PRAG1: variants seen among roughly 807,000 people sequenced by gnomAD.
PRAG1 encodes inactive tyrosine-protein kinase PRAG1.
In PRAG1, 110 loss-of-function variants were observed where a neutral mutation model predicts 95.6. The ratio of observed to expected loss-of-function variants is 1.15; its 90% confidence interval spans 0.99 to 1.35. The LOEUF is 1.35. Among genes scored for constraint, PRAG1 ranks in the 40% most tolerant of loss-of-function variants. The pLI is 0.00. For missense variants in PRAG1, 2,554 were observed against 1,864.7 expected, an observed-to-expected ratio of 1.37 and a Z score of -6.81; for synonymous variants, 1,052 against 819.4, an observed-to-expected ratio of 1.28 and a Z score of -4.85.
chr8:8,371,940 G>C (rs1353476681), intron 3 of PRAG1, among the ~76,000 whole-genome samples: 3 of 151,992 alleles, frequency 2.0e-5, no homozygotes, highest in Admixed American at 1.3e-4. Context: ...TCTCACCTAG[G>C]GCCAGACCAT....
chr8:8,374,737 C>T (rs1318986371), intron 3 of PRAG1: 2 of 984,542 alleles, frequency 2.0e-6, no homozygotes, highest in African/African-American at 1.7e-5. Context: ...GATGTCTGTT[C>T]TCCATGGTGG....
chr8:8,339,985 G>T (rs536478179), intron 3 of PRAG1, among the ~76,000 whole-genome samples: 4 of 152,178 alleles, frequency 2.6e-5, no homozygotes, highest in Non-Finnish European at 5.9e-5. Flanking sequence ...GAAAAATAAA[G>T]ATATTATCAT....
At chr8:8,381,344 G>A in intron 2 of PRAG1, 74 bp downstream of exon 2, 2 of 1,461,470 alleles carry the variant, frequency 1.4e-6, no homozygotes, top group African/African-American at 1.4e-5. Context: ...GCCCTCCCTG[G>A]CTGCCAGCCA....
intron 3 of PRAG1, among the ~76,000 whole-genome samples, chr8:8,365,901 AC>A (rs1799987240): frequency 1.3e-5 from 2 of 152,058 alleles, no homozygotes; most frequent in Middle Eastern, 3.4e-3. Flanking sequence ...AATCTCTTGA[AC>A]CCAAGAGGTG....
chr8:8,340,761 A>G (rs1360151272), intron 3 of PRAG1, among the ~76,000 whole-genome samples: 1 of 152,216 alleles, frequency 6.6e-6, no homozygotes, highest in Non-Finnish European at 1.5e-5. Context: ...CGCTACCACA[A>G]AAAGTGCTCC....
At position 8,324,529 on chromosome 8, in the gene PRAG1, G is replaced by C. The variant is rs1585217954; in HGVS notation, c.3072+3181C>G. Among the ~76,000 whole-genome samples the C allele has an allele frequency of 3.9e-5, 6 of 152,288 alleles. No homozygotes were observed. In the East Asian group the frequency reaches 1.2e-3, roughly 29 times the overall value. On this transcript the variant is annotated intron_variant, in intron 5 of 5. Coordinates refer to ENST00000615670, the MANE Select transcript of PRAG1 (RefSeq NM_001080826.3). ...CACAGCACTGGGTGGGGGAAGGGGCGGTGGGGGAGGGAGTGGCTTTTTCTC... is the reference window on the plus strand; with the variant it reads ...CACAGCACTGGGTGGGGGAAGGGGCCGTGGGGGAGGGAGTGGCTTTTTCTC...
intron 5 of PRAG1, among the ~76,000 whole-genome samples, chr8:8,326,247 A>C (rs1156377841): frequency 6.7e-6 from 1 of 148,210 alleles, no homozygotes; most frequent in African/African-American, 2.5e-5. Flanking sequence ...TATACTGAAT[A>C]TTAATAGTAA....
Position 8,321,745 on chromosome 8 carries a change from G to T in PRAG1, c.3073-2443C>A, listed in dbSNP as rs187120016. On this transcript the variant is annotated intron_variant, in intron 5 of 5. Coordinates refer to ENST00000615670, the MANE Select transcript of PRAG1 (RefSeq NM_001080826.3). ...AGAGGTCAAAAGCATGGGCTCTGGA[G>T]TGAAAAAAGGCCTGGGTTTAAGTAT... Among the ~76,000 whole-genome samples the T allele has an allele frequency of 5.3e-5, 8 of 152,236 alleles. No homozygotes were observed. In the East Asian group the frequency reaches 1.5e-3, roughly 29 times the overall value.
At position 8,377,315 on chromosome 8, in the gene PRAG1, T is replaced by C; in HGVS notation, c.1094A>G (p.Tyr365Cys). The change falls in exon 3 of 6, where the codon TAC becomes TGC. Residue 365 changes from tyrosine (Y) to cysteine (C), a missense_variant. Coordinates refer to ENST00000615670, the MANE Select transcript of PRAG1 (RefSeq NM_001080826.3). ...SPFVPHLESD[Y>C]CSLMKEPAPE... ...GGCAGGTTCCTTCATGAGGGAGCAG[T>C]AATCACTCTCGAGGTGGGGGACGAA... The C allele has an allele frequency of 6.2e-7, 1 of 1,612,238 alleles. No individual in the cohort carries two copies. Among genetic ancestry groups the C allele is most frequent in the East Asian group, 2.2e-5 (1 of 44,840 alleles).
chr8:8,354,712 A>C (rs1284574700), intron 3 of PRAG1, among the ~76,000 whole-genome samples: 1 of 152,194 alleles, frequency 6.6e-6, no homozygotes, highest in Non-Finnish European at 1.5e-5. Flanking sequence ...AGCATTTGAC[A>C]AGGTACAGCA....
chr8:8,379,749 C>T (rs1430488196), intron 2 of PRAG1, among the ~76,000 whole-genome samples: 3 of 152,200 alleles, frequency 2.0e-5, no homozygotes, highest in Non-Finnish European at 4.4e-5. Context: ...TGTCTAAAGA[C>T]AGCAGATGCC....
Position 8,318,893 on chromosome 8 carries a change from C to A in PRAG1, c.3482G>T (p.Gly1161Val). ...LLLVHCTLQAGPGPAPAPAPA... is the reference protein window; with the variant it reads ...LLLVHCTLQAVPGPAPAPAPA... ...GGCGGGGGCGGGGGCGGGCCCGGGGCCGGCCTGGAGGGTGCAGTGCACCAG... is the reference window on the plus strand; with the variant it reads ...GGCGGGGGCGGGGGCGGGCCCGGGGACGGCCTGGAGGGTGCAGTGCACCAG... Residue 1161 changes from glycine to valine, a missense_variant, in exon 6 of 6, where the codon GGC becomes GTC. Transcript: ENST00000615670. This position sits in a 1 kb window ranked among gnomAD's most constrained non-coding sequence, Gnocchi z 4.2. The A allele has an allele frequency of 6.8e-7, 1 of 1,467,380 alleles. No homozygotes were observed. The highest frequency in any genetic ancestry group is 9.1e-7 in the Non-Finnish European group (1 of 1,098,752). 90.9% of individuals were successfully genotyped at this position (1,467,380 alleles called of 1,614,324 possible).
At position 8,318,320 on chromosome 8, in the gene PRAG1, T is replaced by C. The variant is rs1798344229; in HGVS notation, c.4055A>G (p.His1352Arg). ...GGCCCGCTTCATGTCGATCCAGTTG[T>C]GCAGCGTGCCGCACAGCGCCTCCTC... Reference protein sequence around the residue: ...TSEEALCGTLHNWIDMKRALM... With the variant: ...TSEEALCGTLRNWIDMKRALM... Residue 1352 changes from histidine (H) to arginine (R), a missense_variant, in exon 6 of 6, where the codon CAC (histidine) becomes CGC (arginine). Physicochemically the swap from His to Arg is conservative, Grantham distance 29 (BLOSUM62 0). Coordinates refer to ENST00000615670, the MANE Select transcript of PRAG1 (RefSeq NM_001080826.3). The surrounding 1 kb of genome is among the most constrained non-coding windows in gnomAD (Gnocchi z 4.2). 2 of 1,614,150 alleles carry C rather than the reference T, an allele frequency of 1.2e-6. No homozygotes were observed. Among genetic ancestry groups the C allele is most frequent in the East Asian group, 4.5e-5 (2 of 44,874 alleles).
chr8:8,327,920 C>G lies in PRAG1; in HGVS notation c.2862G>C (p.Lys954Asn), dbSNP rs769008508. 81 of 1,613,928 alleles carry G rather than the reference C, an allele frequency of 5.0e-5. No homozygotes were observed. Among genetic ancestry groups the G allele is most frequent in the Middle Eastern group, 1.6e-4 (1 of 6,062 alleles). Residue 954 changes from lysine (K) to asparagine (N), a missense_variant, in exon 5 of 6, where the codon AAG becomes AAC. Physicochemically the swap from Lys to Asn is moderately conservative, Grantham distance 94. Coordinates refer to ENST00000615670, the MANE Select transcript of PRAG1 (RefSeq NM_001080826.3). ...GGGACTGGGTGTAGAGTCCCCCCAG[C>G]TTGGCATAGGTGCCCTCCTTGCTGC... is the stretch of plus-strand genomic sequence containing the variant. ...NISSKEGTYA[K>N]LGGLYTQSLA...
In PRAG1 at chr8:8,339,469, G is replaced by C. The variant is rs1410819546; in HGVS notation, c.2320+9C>G. On this transcript the variant is annotated intron_variant, in intron 4 of 5. Transcript: ENST00000615670. ...ATCTAAGCCTCTCCGTCAATGTCAA[G>C]TTTGTTACCTCCATCGCTGCAGGTC... 1.2e-6 allele frequency: 2 copies of C among 1,613,186 alleles called. No individual in the cohort carries two copies. Among genetic ancestry groups the C allele is most frequent in the African/African-American group, 2.7e-5 (2 of 74,908 alleles).
intron 4 of PRAG1, among the ~76,000 whole-genome samples, chr8:8,334,419 G>C (rs1424791503): frequency 1.3e-5 from 2 of 148,862 alleles, no homozygotes; most frequent in African/African-American, 2.5e-5. Flanking sequence ...CTTGGTGACC[G>C]AGTGAGACTC....
intron 5 of PRAG1, among the ~76,000 whole-genome samples, chr8:8,322,676 C>T (rs1462694808): frequency 6.6e-6 from 1 of 152,160 alleles, no homozygotes; most frequent in Admixed American, 6.5e-5. Flanking sequence ...TGTTCTCACT[C>T]AAGCCTGCTA....
rs191337487 is a variant in PRAG1 at position 8,353,524 on chromosome 8, A to G, written c.2163-13889T>C. ...TGAGAAAAATGACAATAGAAATACAATATATCAAAATGTATAAGATGCAGA... is the reference window on the plus strand; with the variant it reads ...TGAGAAAAATGACAATAGAAATACAGTATATCAAAATGTATAAGATGCAGA... On this transcript the variant is annotated intron_variant, in intron 3 of 5. Coordinates refer to ENST00000615670, the MANE Select transcript of PRAG1 (RefSeq NM_001080826.3). 2.6e-4 allele frequency among the ~76,000 whole-genome samples: 39 copies of G among 152,340 alleles called. No homozygotes were observed. In the East Asian group the frequency reaches 7.3e-3, roughly 29 times the overall value.
intron 2 of PRAG1, among the ~76,000 whole-genome samples, chr8:8,379,340 C>T (rs576307704): frequency 1.3e-5 from 2 of 152,312 alleles, no homozygotes; most frequent in African/African-American, 2.4e-5. Context: ...GTTTCCTCCT[C>T]CTTCTGGTCT....
Sources: gnomAD v4.1 joint callset for allele counts (sites outside exome capture counted in the v4.1 genomes callset) on GRCh38, gnomAD v4.1.1 for gene constraint, Gnocchi (gnomAD v3.1) non-coding constraint, MANE v1.5 for transcripts, NCBI Gene and HGNC (gene_info 2026-07-23, HGNC 2026-07-21) for gene names.